The following C8A variants were observed in gnomAD, a reference collection of about 807,000 sequenced individuals.
The protein encoded by C8A is complement component C8 alpha chain.
A neutral mutation model predicts 65.3 loss-of-function variants in C8A; 67 were observed. The ratio of observed to expected loss-of-function variants is 1.03; its 90% CI spans 0.84 to 1.26. The LOEUF (loss-of-function observed/expected upper bound fraction) is 1.26. Among genes scored for constraint, C8A ranks in the 50% most tolerant of loss-of-function variants. The probability of loss-of-function intolerance (pLI) is 0.00; values close to 1 mark genes in which losing one functional copy is unlikely to be tolerated. For missense variants in C8A, 781 were observed against 723.9 expected, an observed-to-expected ratio of 1.08 and a Z score of -0.90; for synonymous variants, 290 against 259.4, an observed-to-expected ratio of 1.12 and a Z score of -1.13.
intron 4 of C8A, among the ~76,000 whole-genome samples, chr1:56,881,072 G>GT (rs1344982041): frequency 1.3e-5 from 2 of 152,162 alleles, no homozygotes; most frequent in Non-Finnish European, 2.9e-5. Context: ...CTGGGTAAAG[G>GT]AAATCTGAAG....
chr1:56,875,306 C>G (rs954642179), intron 3 of C8A, among the ~76,000 whole-genome samples: 1 of 152,140 alleles, frequency 6.6e-6, no homozygotes, highest in Non-Finnish European at 1.5e-5. Flanking sequence ...TCTGTTGATT[C>G]ATTTAGAAAA....
chr1:56,907,903 G>T (rs1644478183), intron 8 of C8A, 53 bp from the exon 9 acceptor site: 1 of 1,606,468 alleles, frequency 6.2e-7, no homozygotes, highest in Non-Finnish European at 8.5e-7. Flanking sequence ...TTGTCAACCA[G>T]TCCTTGGGCT....
intron 7 of C8A, among the ~76,000 whole-genome samples, chr1:56,888,186 G>GA (rs927649271): frequency 5.9e-5 from 9 of 152,026 alleles, no homozygotes; most frequent in African/African-American, 2.2e-4. Context: ...CAAGATATTT[G>GA]AAAAAAGTAT....
intron 7 of C8A, among the ~76,000 whole-genome samples, chr1:56,892,719 A>C (rs1298694099): frequency 6.6e-6 from 1 of 152,136 alleles, no homozygotes; most frequent in Admixed American, 6.6e-5. Context: ...TTTGGAACAA[A>C]GTTGGTGGTG....
intron 7 of C8A, among the ~76,000 whole-genome samples, chr1:56,906,368 A>G (rs1400440482): frequency 6.6e-6 from 1 of 152,184 alleles, no homozygotes; most frequent in Non-Finnish European, 1.5e-5. Flanking sequence ...GGGCAAATGC[A>G]GAAGGATGAG....
chr1:56,875,449 T>C (rs756029656), intron 3 of C8A, among the ~76,000 whole-genome samples: 1 of 152,170 alleles, frequency 6.6e-6, no homozygotes, highest in African/African-American at 2.4e-5. Flanking sequence ...ACTCCTAGTC[T>C]AGAGACCTAG....
At chr1:56,889,275 G>A (rs186478566) in intron 7 of C8A, among the ~76,000 whole-genome samples, 22 of 152,214 alleles carry the variant, frequency 1.4e-4, no homozygotes, top group Admixed American at 2.0e-4. Flanking sequence ...GCTGGAGACC[G>A]CTAATAAATC....
At chr1:56,916,868 G>T (rs544629545) in intron 10 of C8A, among the ~76,000 whole-genome samples, 1 of 152,344 alleles carries the variant, frequency 6.6e-6, no homozygotes, top group Admixed American at 6.5e-5. Context: ...GTGTTCAGAT[G>T]CTCTGTGCAG....
intron 4 of C8A, among the ~76,000 whole-genome samples, chr1:56,880,160 TAC>T (rs1644236555): frequency 6.6e-6 from 1 of 152,172 alleles, no homozygotes; most frequent in South Asian, 2.1e-4. Context: ...TAGCCAACTC[TAC>T]AGTTTTTGTT....
chr1:56,898,580 A>T (rs2101279341), intron 7 of C8A, among the ~76,000 whole-genome samples: 1 of 152,260 alleles, frequency 6.6e-6, no homozygotes, highest in Admixed American at 6.5e-5. Flanking sequence ...TAGCTCAAAT[A>T]GGACTCTTCC....
intron 2 of C8A, among the ~76,000 whole-genome samples, chr1:56,872,684 G>A (rs765312029): frequency 1.3e-5 from 2 of 152,096 alleles, no homozygotes; most frequent in African/African-American, 2.4e-5. Flanking sequence ...AGAGTCTACA[G>A]CCAGGAATAA....
intron 7 of C8A, among the ~76,000 whole-genome samples, chr1:56,904,685 G>A (rs1319746834): frequency 6.6e-6 from 1 of 152,086 alleles, no homozygotes; most frequent in Non-Finnish European, 1.5e-5. Context: ...ATGAACCTCA[G>A]GCATCTCAGC....
chr1:56,881,704 G>T, intron 5 of C8A, 70 bp downstream of exon 5: 1 of 1,402,442 alleles, frequency 7.1e-7, no homozygotes. Flanking sequence ...CCTATTTGTG[G>T]AGATGACTTG....
chr1:56,873,304 T>C (rs1644164124), intron 2 of C8A, among the ~76,000 whole-genome samples: 2 of 152,170 alleles, frequency 1.3e-5, no homozygotes. Context: ...GAAACAGGGC[T>C]GGGGGCTTCT....
chr1:56,891,197 G>A (rs1218693050), intron 7 of C8A, among the ~76,000 whole-genome samples: 3 of 152,098 alleles, frequency 2.0e-5, no homozygotes, highest in East Asian at 3.9e-4. Flanking sequence ...AGGATAAGGA[G>A]ATGCCAAAGA....
intron 8 of C8A, 104 bp downstream of exon 8, chr1:56,906,896 G>T: frequency 1.4e-6 from 2 of 1,404,016 alleles, no homozygotes; most frequent in South Asian, 2.3e-5. Context: ...TTGCATTTTA[G>T]TCAATGATCA....
chr1:56,917,963 C>A lies in C8A; in HGVS notation c.*247C>A. On this transcript the variant is annotated 3_prime_UTR_variant, in exon 11 of 11. Transcript: ENST00000361249. ...ACTAGAAGCTCTGTCCTACTTACAG[C>A]ACTTTGGATCATCAAAAAAATAAAG... is the stretch of plus-strand genomic sequence containing the variant. 1 of 434,316 alleles carries A rather than the reference C, an allele frequency of 2.3e-6. No individual in the cohort carries two copies. Among genetic ancestry groups the A allele is most frequent in the Non-Finnish European group, 4.1e-6 (1 of 242,308 alleles). The allele number at this position is 434,316 out of a possible 1,614,324, so 26.9% of individuals were successfully genotyped here.
Position 56,886,102 on chromosome 1 carries a change from C to T in C8A, c.1031C>T (p.Ser344Phe). The change falls in exon 7 of 11, where the codon TCT becomes TTT. Residue 344 changes from serine (S) to phenylalanine (F), a missense_variant. Physicochemically the swap from Ser to Phe is radical, Grantham distance 155. Transcript: ENST00000361249. ...GACTATGGCACCCATTACATCACAT[C>T]TGGATCCATGGGTGGCATTTATGAA... The part of the protein sequence containing the change: ...INDYGTHYIT[S>F]GSMGGIYEYI... 1 of 1,613,972 alleles carries T rather than the reference C, an allele frequency of 6.2e-7. No homozygotes were observed.
chr1:56,905,483 G>A (rs1644457196), intron 7 of C8A, among the ~76,000 whole-genome samples: 1 of 152,170 alleles, frequency 6.6e-6, no homozygotes. Context: ...TATTCTGAAA[G>A]TACTTACTGA....
Sources: allele counts gnomAD v4.1 joint callset (sites outside exome capture counted in the v4.1 genomes callset), GRCh38; gene constraint gnomAD v4.1.1; transcripts MANE v1.5; gene names NCBI Gene and HGNC (gene_info 2026-07-23, HGNC 2026-07-21).